LILRA2: variants seen among roughly 807,000 people sequenced by gnomAD.
LILRA2 encodes the protein leukocyte immunoglobulin-like receptor subfamily A member 2.
LILRA2 carries 45 observed loss-of-function variants against 47.9 expected under a neutral mutation model. The ratio of observed to expected loss-of-function variants is 0.94; its 90% CI spans 0.74 to 1.20. The LOEUF (loss-of-function observed/expected upper bound fraction) is 1.20, where lower values mean the gene tolerates loss of function less well. Among genes scored for constraint, LILRA2 ranks in the 50% most tolerant of loss-of-function variants. The pLI is 0.00. For missense variants in LILRA2, 651 were observed against 598.2 expected (o/e 1.09, Z -0.92); for synonymous variants, 279 against 249.2 (o/e 1.12, Z -1.13).
At chr19:54,585,924 G>T (rs141263298) in intron 6 of LILRA2, among the ~76,000 whole-genome samples, 1 of 152,256 alleles carries the variant, frequency 6.6e-6, no homozygotes, top group African/African-American at 2.4e-5. Flanking sequence ...TTTTTTTAAA[G>T]AAGGATAGGT....
In LILRA2 at chr19:54,577,997, G is replaced by A. The variant is rs1043653320; in HGVS notation, c.1255+1888G>A. ...TCCTCCTTCACACATTAAAAATGAA[G>A]ATTTTCTTAATGAATTTAAGACATG... is the stretch of plus-strand genomic sequence containing the variant. On this transcript the variant is annotated intron_variant, in intron 6 of 7. Coordinates refer to ENST00000391738, the MANE Select transcript of LILRA2 (RefSeq NM_001130917.3). 1.4e-3 allele frequency among the ~76,000 whole-genome samples: 212 copies of A among 151,096 alleles called. No individual in the cohort carries two copies. In the South Asian group the frequency reaches 0.03, roughly 22 times the overall value.
intron 5 of LILRA2, 26 bp from the exon 6 acceptor site, chr19:54,575,781 C>T (rs773646045): frequency 6.2e-6 from 10 of 1,612,040 alleles, no homozygotes; most frequent in Non-Finnish European, 8.5e-6. Context: ...GTGGGGCAGC[C>T]CCTCACCCAT....
rs577455492 is a variant in LILRA2, at chr19:54,587,672, C to T, written c.*326C>T. The T allele has an allele frequency of 7.9e-5, 29 of 366,076 alleles. No individual in the cohort carries two copies. The highest frequency in any genetic ancestry group is 2.4e-4 in the African/African-American group (12 of 49,454). The allele number at this position is 366,076 out of a possible 1,614,324, so 22.7% of individuals were successfully genotyped here. On this transcript the variant is annotated 3_prime_UTR_variant, in exon 8 of 8. Coordinates refer to ENST00000391738, the MANE Select transcript of LILRA2 (RefSeq NM_001130917.3). ...CCACACACCTGTGTGCTCTGGTCCA[C>T]GGCATGTGACACAGTCTTCCTTATT... is the stretch of plus-strand genomic sequence containing the variant.
chr19:54,575,190 G>A (rs932482600), intron 4 of LILRA2, 66 bp from the exon 5 acceptor site: 16 of 1,557,534 alleles, frequency 1.0e-5, no homozygotes, highest in Non-Finnish European at 1.4e-5. Context: ...GATCAGCGGG[G>A]GAGAGGGAGG....
Position 54,575,395 on chromosome 19 carries a change from G to A in LILRA2, c.795G>A (p.Gln265=), listed in dbSNP as rs1466110167. The change falls in exon 5 of 8, where the codon CAG becomes CAA. Residue 265 remains glutamine (Q), a synonymous_variant. Transcript: ENST00000391738. ...AGGAGGGAGAACGTGACTTCCTCCA[G>A]CGCCCTGGTTGGCAGCCCCAGGCTG... ...LYKEGERDFL[Q]RPGWQPQAGL... 15 of 1,614,008 alleles carry A rather than the reference G, an allele frequency of 9.3e-6. No homozygotes were observed. In the Admixed American group the frequency reaches 1.3e-4, roughly 14 times the overall value.
In LILRA2 at chr19:54,575,791, TC is replaced by T; in HGVS notation, c.953-14del. 2.5e-6 allele frequency: 4 copies of T among 1,612,160 alleles called. No individual in the cohort carries two copies. The highest frequency in any genetic ancestry group is 3.4e-6 in the Non-Finnish European group (4 of 1,179,310). On this transcript the variant is annotated splice_polypyrimidine_tract_variant and intron_variant, in intron 5 of 7. Transcript: ENST00000391738. ...ACAAGGTGGGGCAGCCCCTCACCCA[TC>T]CTTCTTCTCTCTAGGACAGTTCTAT...
In LILRA2 at chr19:54,575,822, G is replaced by A. The variant is rs149720719; in HGVS notation, c.968G>A (p.Arg323Lys). The A allele has an allele frequency of 3.7e-6, 6 of 1,613,692 alleles. No homozygotes were observed. Among genetic ancestry groups the A allele is most frequent in the Non-Finnish European group, 5.1e-6 (6 of 1,179,874 alleles). Reference protein sequence around the residue: ...DILITGQFYDRPSLSVQPVPT... With the variant: ...DILITGQFYDKPSLSVQPVPT... Reference sequence around the variant, plus strand: ...TTCTCTCTAGGACAGTTCTATGACAGACCCTCTCTCTCGGTGCAGCCGGTC... The same window carrying A: ...TTCTCTCTAGGACAGTTCTATGACAAACCCTCTCTCTCGGTGCAGCCGGTC... The change falls in exon 6 of 8, where the codon AGA becomes AAA. Residue 323 changes from arginine (R) to lysine (K), a missense_variant. Arg to Lys is a conservative substitution (Grantham distance 26). Coordinates refer to ENST00000391738, the MANE Select transcript of LILRA2 (RefSeq NM_001130917.3).
intron 5 of LILRA2, 115 bp downstream of exon 5, chr19:54,575,667 G>GA (rs1410890014): frequency 2.1e-6 from 3 of 1,445,246 alleles, no homozygotes; most frequent in East Asian, 4.8e-5. Flanking sequence ...GGGAGAGACA[G>GA]AGAGAGACAG....
At position 54,587,976 on chromosome 19, in the gene LILRA2, C is replaced by A. The variant is rs1029004787; in HGVS notation, c.*630C>A. On this transcript the variant is annotated 3_prime_UTR_variant, in exon 8 of 8. Transcript: ENST00000391738. ...GCTATGCTGATTCAGAAAAAGACAT[C>A]TCTAAAATACTGTAATTAGTGGTAT... The A allele has an allele frequency of 6.5e-6, 1 of 152,834 alleles. No individual in the cohort carries two copies. 9.5% of individuals were successfully genotyped at this position (152,834 alleles called of 1,614,324 possible). A position where few individuals can be genotyped will look rare whatever the true frequency, so the allele number is the denominator to read the frequency against.
chr19:54,575,365 G>T lies in LILRA2; in HGVS notation c.765G>T (p.Leu255=). Reference sequence around the variant, plus strand: ...ATGTCGGCTACGACAGATTTGTTCTGTATAAGGAGGGAGAACGTGACTTCC... The same window carrying T: ...ATGTCGGCTACGACAGATTTGTTCTTTATAAGGAGGGAGAACGTGACTTCC... ...VSDVGYDRFV[L]YKEGERDFLQ... Residue 255 remains leucine, a synonymous_variant, in exon 5 of 8, where the codon CTG becomes CTT. Transcript: ENST00000391738. The T allele has an allele frequency of 6.2e-7, 1 of 1,614,132 alleles. No individual in the cohort carries two copies. The highest frequency in any genetic ancestry group is 8.5e-7 in the Non-Finnish European group (1 of 1,179,992).
At chr19:54,576,892 G>T (rs1400798007) in intron 6 of LILRA2, among the ~76,000 whole-genome samples, 1 of 152,274 alleles carries the variant, frequency 6.6e-6, no homozygotes, top group Non-Finnish European at 1.5e-5. Flanking sequence ...CTTGCACCCT[G>T]GACTCCTCAT....
At position 54,587,176 on chromosome 19, in the gene LILRA2, T is replaced by C. The variant is rs1178259350; in HGVS notation, c.1307-25T>C. The C allele has an allele frequency of 1.9e-6, 3 of 1,613,932 alleles. No individual in the cohort carries two copies. The South Asian group carries it at 3.3e-5, about 18-fold the overall frequency. Reference sequence around the variant, plus strand: ...GTCCCGGGGTGATTCCGATCTGCCCTGACCTCTGTGACCTCTTTGTCCAGC... The same window carrying C: ...GTCCCGGGGTGATTCCGATCTGCCCCGACCTCTGTGACCTCTTTGTCCAGC... On this transcript the variant is annotated intron_variant, in intron 7 of 7. Transcript: ENST00000391738.
At chr19:54,585,465 G>A (rs957892288) in intron 6 of LILRA2, among the ~76,000 whole-genome samples, 1 of 152,180 alleles carries the variant, frequency 6.6e-6, no homozygotes, top group African/African-American at 2.4e-5. Flanking sequence ...AGGCATCTTT[G>A]TTTACACTGT....
intron 6 of LILRA2, among the ~76,000 whole-genome samples, chr19:54,578,123 A>T (rs896633951): frequency 6.6e-6 from 1 of 150,818 alleles, no homozygotes; most frequent in Non-Finnish European, 1.5e-5. Flanking sequence ...ATTTCTTTAT[A>T]TATATATATA....
chr19:54,584,583 A>G (rs1031314414), intron 6 of LILRA2, among the ~76,000 whole-genome samples: 2 of 152,136 alleles, frequency 1.3e-5, no homozygotes, highest in African/African-American at 4.8e-5. Context: ...AAGCTTGTGC[A>G]TGCATCACGA....
intron 6 of LILRA2, chr19:54,577,799 CT>C: frequency 5.1e-6 from 5 of 977,814 alleles, no homozygotes; most frequent in South Asian, 2.3e-5. Context: ...TCCTTTGTTA[CT>C]TTTTTTCTAA....
chr19:54,577,690 G>A, intron 6 of LILRA2: 1 of 1,284,276 alleles, frequency 7.8e-7, no homozygotes, highest in Non-Finnish European at 1.0e-6. Flanking sequence ...TGAGAATAAG[G>A]AGGGGCCCTG....
chr19:54,587,782 A>C lies in LILRA2; in HGVS notation c.*436A>C. 1 of 170,618 alleles carries C rather than the reference A, an allele frequency of 5.9e-6. No individual in the cohort carries two copies. Among genetic ancestry groups the C allele is most frequent in the Non-Finnish European group, 1.3e-5 (1 of 78,724 alleles). The allele number at this position is 170,618 out of a possible 1,614,324, so 10.6% of individuals were successfully genotyped here. A position where few individuals can be genotyped will look rare whatever the true frequency, so the allele number is the denominator to read the frequency against. ...CCAAACCTGAACCACCAACTAAATC[A>C]ACGACAGGAGATCAGATTCCAACCA... On this transcript the variant is annotated 3_prime_UTR_variant, in exon 8 of 8. Transcript: ENST00000391738.
chr19:54,585,685 G>A (rs558738615), intron 6 of LILRA2, among the ~76,000 whole-genome samples: 7 of 152,308 alleles, frequency 4.6e-5, no homozygotes, highest in South Asian at 4.1e-4. Flanking sequence ...CTGTTTCTCC[G>A]GATACAGTCT....
Sources: gnomAD v4.1 joint callset for allele counts (sites outside exome capture counted in the v4.1 genomes callset) on GRCh38, gnomAD v4.1.1 for gene constraint, MANE v1.5 for transcripts, NCBI Gene and HGNC (gene_info 2026-07-23, HGNC 2026-07-21) for gene names.